Variants in TDRD3 observed in about 807,000 individuals in gnomAD.
TDRD3 encodes the protein tudor domain-containing protein 3.
In TDRD3, 45 loss-of-function variants were observed where a neutral mutation model predicts 86.7. That is an observed-to-expected ratio of 0.52 (90% CI 0.41 to 0.67). The LOEUF (loss-of-function observed/expected upper bound fraction) is 0.67. Ranked by LOEUF, TDRD3 falls within the 30% of genes least tolerant of loss-of-function variation. TDRD3 has a pLI of 0.00. For synonymous variants in TDRD3, 298 were observed against 301.7 expected (o/e 0.99, Z 0.13); for missense variants, 814 against 889.0 (o/e 0.92, Z 1.07).
intron 13 of TDRD3, among the ~76,000 whole-genome samples, chr13:60,571,248 T>C (rs1958579162): frequency 6.6e-6 from 1 of 152,236 alleles, no homozygotes; most frequent in South Asian, 2.1e-4. Flanking sequence ...GACTATGAAG[T>C]AGAATGAAAT....
intron 1 of TDRD3, among the ~76,000 whole-genome samples, chr13:60,435,860 G>A (rs1438557225): frequency 6.7e-6 from 1 of 149,352 alleles, no homozygotes; most frequent in Admixed American, 6.8e-5. Flanking sequence ...TTTCCGTAGT[G>A]GTTGTAGCAA....
At position 60,563,651 on chromosome 13, in the gene TDRD3, A is replaced by G. The variant is rs191913558; in HGVS notation, c.2119-3874A>G. ...TGGCTGATGCCCCCAGCCGAGGCAG[A>G]TAGCTCTCACTTGAGAACTCTTTCC... On this transcript the variant is annotated intron_variant, in intron 12 of 13. Transcript: ENST00000377881. Among the ~76,000 whole-genome samples, 308 of 152,338 alleles carry G rather than the reference A, an allele frequency of 2.0e-3. 4 individuals carry two copies. The highest frequency in any genetic ancestry group is 0.015 in the Admixed American group (225 of 15,302).
chr13:60,439,875 A>G, intron 2 of TDRD3, 103 bp downstream of exon 2: 2 of 667,592 alleles, frequency 3.0e-6, no homozygotes, highest in South Asian at 3.3e-5. Flanking sequence ...TATAGAGAAC[A>G]TCTTTCTTAT....
chr13:60,453,927 C>T lies in TDRD3; in HGVS notation c.193-6453C>T, dbSNP rs577046737. Among the ~76,000 whole-genome samples the T allele has an allele frequency of 1.0e-3, 152 of 151,288 alleles. 1 individual carries two copies. Among genetic ancestry groups the T allele is most frequent in the African/African-American group, 3.2e-3 (132 of 41,264 alleles). On this transcript the variant is annotated intron_variant, in intron 3 of 13. Transcript: ENST00000377881. ...TTTTTTTTGTTTTTTTTTCAGTTCT[C>T]TTTAAGGCTATCAATTTTTCTTCTA...
intron 3 of TDRD3, among the ~76,000 whole-genome samples, chr13:60,448,903 C>T (rs961662363): frequency 3.9e-5 from 6 of 152,108 alleles, no homozygotes; most frequent in Non-Finnish European, 7.4e-5. Context: ...CTTATCAATT[C>T]AGCTACTCGA....
intron 12 of TDRD3, among the ~76,000 whole-genome samples, chr13:60,543,330 C>T (rs1957860630): frequency 6.6e-6 from 1 of 151,962 alleles, no homozygotes; most frequent in Admixed American, 6.6e-5. Context: ...GACATTAGTT[C>T]CACTTCATGG....
intron 1 of TDRD3, among the ~76,000 whole-genome samples, chr13:60,415,436 G>T (rs1036285357): frequency 1.3e-5 from 2 of 152,018 alleles, no homozygotes; most frequent in African/African-American, 4.8e-5. Context: ...CCACTTGGGT[G>T]TATCAGGACT....
chr13:60,477,516 G>A (rs915261546), intron 5 of TDRD3, among the ~76,000 whole-genome samples: 2 of 152,010 alleles, frequency 1.3e-5, no homozygotes, highest in Admixed American at 6.6e-5. Context: ...TGCCCAGCTC[G>A]ATGGCTCTTA....
At chr13:60,409,399 C>T (rs1954306672) in intron 1 of TDRD3, among the ~76,000 whole-genome samples, 1 of 152,202 alleles carries the variant, frequency 6.6e-6, no homozygotes, top group Non-Finnish European at 1.5e-5. Context: ...ACAGCTTGCA[C>T]TGTGCACCTG....
intron 12 of TDRD3, among the ~76,000 whole-genome samples, chr13:60,549,521 T>G (rs1338888389): frequency 6.6e-6 from 1 of 152,108 alleles, no homozygotes; most frequent in African/African-American, 2.4e-5. Flanking sequence ...ATGCCAGATA[T>G]TAATACATTA....
At chr13:60,417,043 G>T (rs1954537021) in intron 1 of TDRD3, among the ~76,000 whole-genome samples, 1 of 147,672 alleles carries the variant, frequency 6.8e-6, no homozygotes. Flanking sequence ...TTGAGTCCAG[G>T]TCTTATTCTG....
chr13:60,519,783 G>C (rs1957252309), intron 10 of TDRD3, among the ~76,000 whole-genome samples: 1 of 152,054 alleles, frequency 6.6e-6, no homozygotes, highest in South Asian at 2.1e-4. Context: ...CTGTGAAATA[G>C]GGATGTTATA....
chr13:60,516,142 A>G (rs536096493), intron 10 of TDRD3, among the ~76,000 whole-genome samples: 3 of 152,302 alleles, frequency 2.0e-5, no homozygotes, highest in South Asian at 2.1e-4. Context: ...ATACAGTTGC[A>G]TAATCAAACC....
chr13:60,469,348 TC>T (rs1849171544), intron 5 of TDRD3, among the ~76,000 whole-genome samples: 1 of 152,020 alleles, frequency 6.6e-6, no homozygotes. Context: ...TATATAATTT[TC>T]CCACAACCCA....
At chr13:60,544,205 T>C (rs985496428) in intron 12 of TDRD3, among the ~76,000 whole-genome samples, 1 of 151,840 alleles carries the variant, frequency 6.6e-6, no homozygotes, top group Non-Finnish European at 1.5e-5. Context: ...TCCCAACACT[T>C]TGGGAGGCCG....
At chr13:60,398,633 T>C (rs1203807903) in intron 1 of TDRD3, among the ~76,000 whole-genome samples, 1 of 152,192 alleles carries the variant, frequency 6.6e-6, no homozygotes, top group Admixed American at 6.5e-5. Flanking sequence ...ATTTTACAGG[T>C]GAGGAGACTG....
intron 12 of TDRD3, among the ~76,000 whole-genome samples, chr13:60,554,308 A>G (rs558544698): frequency 3.4e-4 from 52 of 152,374 alleles, no homozygotes; most frequent in Non-Finnish European, 6.3e-4. Flanking sequence ...TGACTATTGT[A>G]TCATGCATTT....
chr13:60,408,614 G>A (rs1954288754), intron 1 of TDRD3, among the ~76,000 whole-genome samples: 1 of 152,164 alleles, frequency 6.6e-6, no homozygotes. Context: ...TTTTGCCCCT[G>A]CCCTAGAGAT....
At chr13:60,446,254 G>A (rs1212917470) in intron 3 of TDRD3, among the ~76,000 whole-genome samples, 2 of 151,846 alleles carry the variant, frequency 1.3e-5, no homozygotes, top group Non-Finnish European at 2.9e-5. Context: ...ATGGAGTCTT[G>A]CTCTGTTGCC....
Sources: allele counts gnomAD v4.1 joint callset (sites outside exome capture counted in the v4.1 genomes callset), GRCh38; gene constraint gnomAD v4.1.1; transcripts MANE v1.5; gene names NCBI Gene and HGNC (gene_info 2026-07-23, HGNC 2026-07-21).